RANBP2: variants seen among roughly 807,000 people sequenced by gnomAD.
RANBP2 encodes the protein E3 SUMO-protein ligase RanBP2.
RANBP2 carries 57 observed loss-of-function variants against 303.6 expected under a neutral mutation model. The ratio of observed to expected loss-of-function variants is 0.19; its 90% CI spans 0.15 to 0.23. The LOEUF is 0.23. Among genes scored for constraint, RANBP2 ranks in the 10% least tolerant of loss-of-function variants. The probability of loss-of-function intolerance (pLI) is 1.00; values close to 1 mark genes in which losing one functional copy is unlikely to be tolerated. For synonymous variants in RANBP2, 1,167 were observed against 1,301.5 expected (o/e 0.90, Z 2.23); for missense variants, 3,138 against 3,780.8 (o/e 0.83, Z 4.46).
chr2:109,690,534 G>C, the RANBP2 span, among the ~76,000 whole-genome samples: 1 of 152,204 alleles, frequency 6.6e-6, no homozygotes, highest in Non-Finnish European at 1.5e-5. Context: ...GGGGCCTCAA[G>C]ATTTATTTTC....
the RANBP2 span, among the ~76,000 whole-genome samples, chr2:108,996,281 C>T: frequency 6.6e-6 from 1 of 152,176 alleles, no homozygotes; most frequent in Non-Finnish European, 1.5e-5. Flanking sequence ...CTAAGCCACA[C>T]AGTTTAGGGA....
chr2:109,234,616 AT>A, the RANBP2 span, among the ~76,000 whole-genome samples: 2 of 152,236 alleles, frequency 1.3e-5, no homozygotes, highest in African/African-American at 4.8e-5. Flanking sequence ...TTTGTTTCTC[AT>A]TCACGCTGTT....
the RANBP2 span, among the ~76,000 whole-genome samples, chr2:109,579,518 G>C: frequency 1.8e-4 from 27 of 151,728 alleles, no homozygotes; most frequent in African/African-American, 6.5e-4. Flanking sequence ...TGAGTAGCTG[G>C]GATTACAGGC....
chr2:109,131,815 G>T, the RANBP2 span, among the ~76,000 whole-genome samples: 1 of 152,200 alleles, frequency 6.6e-6, no homozygotes, highest in East Asian at 1.9e-4. Context: ...GCATAGTCAT[G>T]TTCATGACTT....
the RANBP2 span, chr2:108,885,453 G>T: frequency 6.6e-6 from 1 of 152,144 alleles, no homozygotes; most frequent in African/African-American, 2.4e-5. Flanking sequence ...TTAATGAAAA[G>T]TTATACAATA....
At chr2:109,097,790 G>A in the RANBP2 span, among the ~76,000 whole-genome samples, 1 of 151,052 alleles carries the variant, frequency 6.6e-6, no homozygotes, top group African/African-American at 2.4e-5. Context: ...CTCCCACCCT[G>A]TCCCTGTAGG....
the RANBP2 span, among the ~76,000 whole-genome samples, chr2:109,039,914 C>T: frequency 6.6e-6 from 1 of 152,124 alleles, no homozygotes; most frequent in East Asian, 1.9e-4. Context: ...TATTCCCTTG[C>T]AGCTTGCCTT....
chr2:108,788,096 C>T, downstream of RANBP2: 1 of 1,601,692 alleles, frequency 6.2e-7, no homozygotes, highest in Non-Finnish European at 8.5e-7. Context: ...CCAGGTAAGC[C>T]GGTATTTTGT....
the RANBP2 span, among the ~76,000 whole-genome samples, chr2:109,189,975 C>G: frequency 3.2e-3 from 485 of 152,304 alleles, 3 homozygotes; most frequent in African/African-American, 0.011. Flanking sequence ...CCTGGTGTTT[C>G]TCTAACAGAT....
chr2:109,579,297 A>C, the RANBP2 span, among the ~76,000 whole-genome samples: 19 of 152,304 alleles, frequency 1.2e-4, no homozygotes. Flanking sequence ...TCTTCTTAGA[A>C]AACCCCAGGC....
the RANBP2 span, among the ~76,000 whole-genome samples, chr2:109,477,517 G>C: frequency 6.6e-6 from 1 of 152,234 alleles, no homozygotes; most frequent in African/African-American, 2.4e-5. Flanking sequence ...GTGAGACCAG[G>C]AGAGCCTCTC....
chr2:109,335,028 A>G, the RANBP2 span, among the ~76,000 whole-genome samples: 1 of 152,204 alleles, frequency 6.6e-6, no homozygotes, highest in African/African-American at 2.4e-5. Flanking sequence ...GGCGACTTAC[A>G]TGTGCTCCCT....
At chr2:109,729,137 C>T in the RANBP2 span, among the ~76,000 whole-genome samples, 2 of 152,174 alleles carry the variant, frequency 1.3e-5, no homozygotes, top group African/African-American at 4.8e-5. Context: ...CCCAGTCCAG[C>T]AAAGCCAGTG....
At chr2:109,143,231 AC>A in the RANBP2 span, among the ~76,000 whole-genome samples, 2 of 152,208 alleles carry the variant, frequency 1.3e-5, no homozygotes. Context: ...TCATTTGGAA[AC>A]AAATTTAAAT....
the RANBP2 span, among the ~76,000 whole-genome samples, chr2:109,398,100 C>T: frequency 1.3e-5 from 2 of 152,180 alleles, no homozygotes; most frequent in African/African-American, 2.4e-5. Context: ...CTGCCACAGC[C>T]GGTCACCAGC....
chr2:108,913,157 G>T, the RANBP2 span, among the ~76,000 whole-genome samples: 3 of 152,102 alleles, frequency 2.0e-5, no homozygotes, highest in Non-Finnish European at 4.4e-5. Context: ...CACCATGTTA[G>T]CCAGGATGGG....
intron 20 of RANBP2, among the ~76,000 whole-genome samples, chr2:108,769,675 T>C (rs1677362407): frequency 6.6e-6 from 1 of 152,134 alleles, no homozygotes; most frequent in South Asian, 2.1e-4. Flanking sequence ...ATGTATACAA[T>C]ATGGAAGAGT....
chr2:109,663,780 G>C, the RANBP2 span, among the ~76,000 whole-genome samples: 1 of 152,300 alleles, frequency 6.6e-6, no homozygotes, highest in African/African-American at 2.4e-5. Context: ...TAAATTAAAG[G>C]GAACAGCCTC....
the RANBP2 span, among the ~76,000 whole-genome samples, chr2:109,559,146 A>G: frequency 2.6e-5 from 4 of 152,302 alleles, no homozygotes; most frequent in African/African-American, 7.2e-5. Context: ...TTGGCCTCCC[A>G]AAGTACTGAA....
Sources: allele counts gnomAD v4.1 joint callset (sites outside exome capture counted in the v4.1 genomes callset), GRCh38; gene constraint gnomAD v4.1.1; transcripts MANE v1.5; gene names NCBI Gene and HGNC (gene_info 2026-07-23, HGNC 2026-07-21).